Variants in ABCA13 observed in about 807,000 individuals in gnomAD.
ABCA13 encodes ATP-binding cassette sub-family A member 13.
ABCA13 carries 476 observed loss-of-function variants against 478.7 expected under a neutral mutation model. That is an observed-to-expected ratio of 0.99 (90% CI 0.92 to 1.07). The LOEUF is 1.07. Among genes scored for constraint, ABCA13 ranks in the 50% least tolerant of loss-of-function variants. The pLI is 0.00. For synonymous variants in ABCA13, 2,252 were observed against 2,158.9 expected (o/e 1.04, Z -1.20); for missense variants, 6,060 against 5,910.6 (o/e 1.03, Z -0.83).
intron 55 of ABCA13, among the ~76,000 whole-genome samples, chr7:48,557,609 G>A (rs1224599152): frequency 2.6e-5 from 4 of 151,966 alleles, no homozygotes; most frequent in Non-Finnish European, 5.9e-5. Context: ...CCTTTCTCTT[G>A]CTGCTTTTAG....
rs1228404263 is a variant in ABCA13, at chr7:48,279,797, G to T, written c.8603G>T (p.Arg2868Ile). 4 of 1,603,570 alleles carry T rather than the reference G, an allele frequency of 2.5e-6. No homozygotes were observed. In the Admixed American group the frequency reaches 7.0e-5, roughly 28 times the overall value. Reference protein sequence around the residue: ...GKNVTSEKEERTKKEMIDFPY... With the variant: ...GKNVTSEKEEITKKEMIDFPY... ...AATGTCACATCAGAAAAAGAAGAGA[G>T]AACCAAGAAAGAGATGATTGACTTT... is the stretch of plus-strand genomic sequence containing the variant. Residue 2868 changes from arginine (R) to isoleucine (I), a missense_variant, in exon 18 of 62, where the codon AGA (arginine) becomes ATA (isoleucine). By Grantham distance (97) the Arg-to-Ile change is moderately conservative. Transcript: ENST00000435803.
At chr7:48,592,835 C>CT (rs560747848) in intron 57 of ABCA13, among the ~76,000 whole-genome samples, 28 of 151,860 alleles carry the variant, frequency 1.8e-4, no homozygotes, top group African/African-American at 6.8e-4. Context: ...GTATTTTTCT[C>CT]TTTTTACAGT....
At chr7:48,242,706 CG>C (rs2129016340) in intron 10 of ABCA13, among the ~76,000 whole-genome samples, 1 of 152,230 alleles carries the variant, frequency 6.6e-6, no homozygotes, top group East Asian at 1.9e-4. Flanking sequence ...CCCAAAGTGC[CG>C]GAATTCCAGG....
At chr7:48,265,518 A>G (rs931764972) in intron 15 of ABCA13, among the ~76,000 whole-genome samples, 3 of 151,612 alleles carry the variant, frequency 2.0e-5, no homozygotes, top group Non-Finnish European at 4.4e-5. Flanking sequence ...TATCCCTAAG[A>G]TTTTAATACT....
At chr7:48,575,882 C>T (rs904260772) in intron 55 of ABCA13, among the ~76,000 whole-genome samples, 17 of 152,194 alleles carry the variant, frequency 1.1e-4, no homozygotes, top group African/African-American at 3.6e-4. Flanking sequence ...GAGAGACAGT[C>T]AGGGGACCCC....
At position 48,412,686 on chromosome 7, in the gene ABCA13, G is replaced by A. The variant is rs1173372971; in HGVS notation, c.12459+103G>A. ...AAGGGGGGGAGATGTGGGTAAGGGG[G>A]AGGAGTGTGCACTTTTATTTACATT... On this transcript the variant is annotated intron_variant, in intron 41 of 61. Transcript: ENST00000435803. 2.7e-5 allele frequency: 19 copies of A among 713,216 alleles called. No homozygotes were observed. The South Asian group carries it at 5.6e-4, about 21-fold the overall frequency. The allele number at this position is 713,216 out of a possible 1,614,324, so 44.2% of individuals were successfully genotyped here. A position where few individuals can be genotyped will look rare whatever the true frequency, so the allele number is the denominator to read the frequency against.
rs917004636 is a variant in ABCA13 at position 48,646,751 on chromosome 7, C to T, written c.*1239C>T. On this transcript the variant is annotated 3_prime_UTR_variant, in exon 62 of 62. Transcript: ENST00000435803. ...AGCCAGGATGGTCTCTATCTCCTGA[C>T]CTTGTGATCCGCCCCCCTCCACCTC... The T allele has an allele frequency of 5.3e-5, 8 of 152,196 alleles. No homozygotes were observed. Among genetic ancestry groups the T allele is most frequent in the African/African-American group, 1.9e-4 (8 of 41,414 alleles). The allele number at this position is 152,196 out of a possible 1,614,324, so 9.4% of individuals were successfully genotyped here.
intron 59 of ABCA13, among the ~76,000 whole-genome samples, chr7:48,617,770 C>G: frequency 6.6e-6 from 1 of 152,030 alleles, no homozygotes. Flanking sequence ...CAAATTCGCC[C>G]GTGACAGGAA....
Position 48,278,090 on chromosome 7 carries a change from A to G in ABCA13, c.6900-4A>G, listed in dbSNP as rs1354435679. 1 of 1,137,840 alleles carries G rather than the reference A, an allele frequency of 8.8e-7. No individual in the cohort carries two copies. The allele number at this position is 1,137,840 out of a possible 1,614,324, so 70.5% of individuals were successfully genotyped here. On this transcript the variant is annotated splice_polypyrimidine_tract_variant and splice_region_variant and intron_variant, in intron 17 of 61. Coordinates refer to ENST00000435803, the MANE Select transcript of ABCA13 (RefSeq NM_152701.5). ...TAAAAGTATATATATATATATATTT[A>G]CAGTTTTGTCCCAAAAGATAAAATT... is the stretch of plus-strand genomic sequence containing the variant.
chr7:48,358,076 A>G (rs929968168), intron 31 of ABCA13, among the ~76,000 whole-genome samples: 4 of 151,152 alleles, frequency 2.6e-5, no homozygotes, highest in East Asian at 3.9e-4. Flanking sequence ...CAGGAGGCAA[A>G]GGTTGTAGTG....
At chr7:48,630,758 T>C (rs936159946) in intron 59 of ABCA13, among the ~76,000 whole-genome samples, 2 of 152,134 alleles carry the variant, frequency 1.3e-5, no homozygotes, top group African/African-American at 4.8e-5. Context: ...CTGAACTAAT[T>C]TACATTCCCA....
chr7:48,572,053 G>C (rs1046601237), intron 55 of ABCA13, among the ~76,000 whole-genome samples: 1 of 152,090 alleles, frequency 6.6e-6, no homozygotes, highest in Admixed American at 6.6e-5. Context: ...GGTGGCACAC[G>C]CATGTAATCC....
At chr7:48,471,661 T>A (rs1470596309) in intron 45 of ABCA13, 62 bp downstream of exon 45, 1 of 1,402,934 alleles carries the variant, frequency 7.1e-7, no homozygotes, top group Admixed American at 2.6e-5. Flanking sequence ...AAAATGAGTT[T>A]ACCCTATCTA....
At chr7:48,618,836 T>G (rs1029207771) in intron 59 of ABCA13, among the ~76,000 whole-genome samples, 1 of 152,186 alleles carries the variant, frequency 6.6e-6, no homozygotes, top group Non-Finnish European at 1.5e-5. Flanking sequence ...TCAGCTGGTT[T>G]GTATTTGAAA....
chr7:48,350,914 C>T (rs1808872885), intron 30 of ABCA13, 95 bp downstream of exon 30: 8 of 1,274,034 alleles, frequency 6.3e-6, no homozygotes, highest in African/African-American at 1.5e-5. Flanking sequence ...TATGATAGCT[C>T]AGAAAGAAAA....
chr7:48,562,332 T>C (rs1222237958), intron 55 of ABCA13, among the ~76,000 whole-genome samples: 4 of 152,090 alleles, frequency 2.6e-5, no homozygotes, highest in Admixed American at 1.3e-4. Flanking sequence ...TAGGGAAATA[T>C]TAGAAATGTC....
At chr7:48,568,595 G>T (rs1787308814) in intron 55 of ABCA13, among the ~76,000 whole-genome samples, 1 of 151,868 alleles carries the variant, frequency 6.6e-6, no homozygotes. Context: ...GTCTTTAGTT[G>T]TGGTATCAGG....
At chr7:48,563,409 A>T (rs1430473683) in intron 55 of ABCA13, among the ~76,000 whole-genome samples, 1 of 152,162 alleles carries the variant, frequency 6.6e-6, no homozygotes, top group African/African-American at 2.4e-5. Context: ...GGAGTAGGGA[A>T]ATGTGTCATT....
rs368863293 is a variant in ABCA13, at chr7:48,372,527, A to C, written c.11133+30A>C. ...GTAAGTTGTTTTGTAAAAAAAAAAA[A>C]AAAAAACAACAAAATTGCAATCTAT... is the stretch of plus-strand genomic sequence containing the variant. On this transcript the variant is annotated intron_variant, in intron 33 of 61. Coordinates refer to ENST00000435803, the MANE Select transcript of ABCA13 (RefSeq NM_152701.5). The C allele has an allele frequency of 1.3e-4, 203 of 1,503,858 alleles. No individual in the cohort carries two copies. The African/African-American group carries it at 2.6e-3, about 19-fold the overall frequency. 93.2% of individuals were successfully genotyped at this position (1,503,858 alleles called of 1,614,324 possible).
Sources: gnomAD v4.1 joint callset for allele counts (sites outside exome capture counted in the v4.1 genomes callset) on GRCh38, gnomAD v4.1.1 for gene constraint, MANE v1.5 for transcripts, NCBI Gene and HGNC (gene_info 2026-07-23, HGNC 2026-07-21) for gene names.